The following TIPIN variants were observed in gnomAD, a reference collection of about 807,000 sequenced individuals.
The protein encoded by TIPIN is TIMELESS-interacting protein.
A neutral mutation model predicts 35.6 loss-of-function variants in TIPIN; 29 were observed. The ratio of observed to expected loss-of-function variants is 0.82; its 90% CI spans 0.61 to 1.11. The LOEUF is 1.11. Among genes scored for constraint, TIPIN ranks in the 50% most tolerant of loss-of-function variants. The probability of loss-of-function intolerance (pLI) is 0.00; values close to 1 mark genes in which losing one functional copy is unlikely to be tolerated. For synonymous variants in TIPIN, 102 were observed against 121.5 expected (o/e 0.84, Z 1.06); for missense variants, 296 against 345.4 (o/e 0.86, Z 1.13).
intron 7 of TIPIN, among the ~76,000 whole-genome samples, chr15:66,337,692 T>A (rs1178269727): frequency 1.3e-5 from 2 of 150,368 alleles, no homozygotes. Context: ...CCCAACAATG[T>A]GGGAGGATCA....
chr15:66,373,854 C>T (rs571981440), intron 1 of TIPIN, among the ~76,000 whole-genome samples: 1 of 151,824 alleles, frequency 6.6e-6, no homozygotes, highest in Non-Finnish European at 1.5e-5. Context: ...AGGCATGTAC[C>T]ATTACACCTG....
chr15:66,353,413 C>T (rs1401805277), intron 1 of TIPIN, among the ~76,000 whole-genome samples: 1 of 151,828 alleles, frequency 6.6e-6, no homozygotes, highest in Non-Finnish European at 1.5e-5. Context: ...GTCAGGAGAT[C>T]GAGACCATCC....
rs527905534 is a variant in TIPIN at position 66,371,733 on chromosome 15, G to A, written c.-9+14874C>T. On this transcript the variant is annotated intron_variant, in intron 1 of 7. Coordinates refer to the TIPIN transcript ENST00000562124. ...GGGGTTTCACCGTGTTGGCCAGAATGGTCTCGATCTCCTGACTTCGTGATC... is the reference window on the plus strand; with the variant it reads ...GGGGTTTCACCGTGTTGGCCAGAATAGTCTCGATCTCCTGACTTCGTGATC... Among the ~76,000 whole-genome samples, 449 of 151,892 alleles carry A rather than the reference G, an allele frequency of 3.0e-3. 1 individual carries two copies. The highest frequency in any genetic ancestry group is 0.01 in the African/African-American group (418 of 41,424).
intron 7 of TIPIN, among the ~76,000 whole-genome samples, chr15:66,338,592 A>G (rs2093061386): frequency 6.6e-6 from 1 of 152,010 alleles, no homozygotes; most frequent in Admixed American, 6.6e-5. Flanking sequence ...AGGTGGGTGG[A>G]TCACGAGGTT....
intron 1 of TIPIN, among the ~76,000 whole-genome samples, chr15:66,376,106 A>G (rs2093295833): frequency 6.6e-6 from 1 of 151,932 alleles, no homozygotes; most frequent in South Asian, 2.1e-4. Flanking sequence ...CAAAACCAAA[A>G]CCCACAAAAC....
intron 1 of TIPIN, among the ~76,000 whole-genome samples, chr15:66,384,622 A>G (rs753346953): frequency 4.6e-5 from 7 of 151,788 alleles, no homozygotes; most frequent in South Asian, 2.1e-4. Flanking sequence ...TTAAAAAACT[A>G]TGAGTTCAGG....
At chr15:66,374,279 G>A (rs1200674183) in intron 1 of TIPIN, among the ~76,000 whole-genome samples, 2 of 146,100 alleles carry the variant, frequency 1.4e-5, no homozygotes, top group South Asian at 4.2e-4. Context: ...AGTAGCATTA[G>A]GTACTTACAC....
Position 66,350,628 on chromosome 15 carries a change from T to TCAA in TIPIN, c.288+896_288+897insTTG, listed in dbSNP as rs1252294603. 8.5e-5 allele frequency among the ~76,000 whole-genome samples: 12 copies of TCAA among 141,290 alleles called. No individual in the cohort carries two copies. In the South Asian group the frequency reaches 2.7e-3, roughly 32 times the overall value. 92.7% of individuals were successfully genotyped at this position (141,290 alleles called of 152,430 possible). A position where few individuals can be genotyped will look rare whatever the true frequency, so the allele number is the denominator to read the frequency against. On this transcript the variant is annotated intron_variant, in intron 4 of 7. Coordinates refer to ENST00000261881, the MANE Select transcript of TIPIN (RefSeq NM_017858.3). ...CTCAAAAAAACAAAAAAAAAAACAC[T>TCAA]TAATAAAGTTAAAAGATAGTAGGCC...
chr15:66,381,980 G>A (rs962276828), intron 1 of TIPIN, among the ~76,000 whole-genome samples: 2 of 152,074 alleles, frequency 1.3e-5, no homozygotes, highest in Non-Finnish European at 2.9e-5. Context: ...CAGGAGAACC[G>A]CTTGAACCTG....
Position 66,349,393 on chromosome 15 carries a change from T to C in TIPIN, c.333A>G (p.Ala111=), listed in dbSNP as rs763508509. The change falls in exon 5 of 8, where the codon GCA becomes GCG. Residue 111 remains alanine, a synonymous_variant. Coordinates refer to ENST00000261881, the MANE Select transcript of TIPIN (RefSeq NM_017858.3). ...KMLIRHMEHW[A]HRLFPKLQFE... ...ACTGCAGTTTAGGGAATAGCCTATG[T>C]GCCCAGTGCTCCATGTGTCTGATTA... 6.2e-7 allele frequency: 1 copy of C among 1,613,878 alleles called. No homozygotes were observed. The highest frequency in any genetic ancestry group is 1.7e-5 in the Admixed American group (1 of 60,008).
intron 1 of TIPIN, among the ~76,000 whole-genome samples, chr15:66,383,173 A>G (rs1297026065): frequency 6.6e-6 from 1 of 152,214 alleles, no homozygotes; most frequent in Non-Finnish European, 1.5e-5. Flanking sequence ...AATTGCTCAA[A>G]GTCCTAATAG....
chr15:66,374,663 T>C (rs2140494209), intron 1 of TIPIN, among the ~76,000 whole-genome samples: 1 of 152,232 alleles, frequency 6.6e-6, no homozygotes, highest in Admixed American at 6.5e-5. Context: ...CACCGCAACC[T>C]CTACCTCCCA....
chr15:66,385,246 C>T (rs1257699071), intron 1 of TIPIN, among the ~76,000 whole-genome samples: 1 of 152,220 alleles, frequency 6.6e-6, no homozygotes, highest in African/African-American at 2.4e-5. Flanking sequence ...TCAGGTTCCT[C>T]AGCCTCCTTA....
chr15:66,350,354 C>A (rs1249435452), intron 4 of TIPIN, among the ~76,000 whole-genome samples: 1 of 152,050 alleles, frequency 6.6e-6, no homozygotes, highest in African/African-American at 2.4e-5. Flanking sequence ...GCCTGTAATC[C>A]CAGCACTGTG....
chr15:66,340,455 G>A lies in TIPIN; in HGVS notation c.682+695C>T, dbSNP rs560227440. Among the ~76,000 whole-genome samples the A allele has an allele frequency of 7.2e-5, 11 of 152,024 alleles. No homozygotes were observed. In the South Asian group the frequency reaches 2.3e-3, roughly 32 times the overall value. On this transcript the variant is annotated intron_variant, in intron 7 of 7. Transcript: ENST00000261881. The stretch of plus-strand genomic sequence containing the variant: ...GCCTCCTAAAGTGCTGGGATTACAG[G>A]CATGAGCCACTGCACCTGGCCTATT...
At chr15:66,365,171 C>T (rs1041166721) in intron 1 of TIPIN, among the ~76,000 whole-genome samples, 4 of 151,932 alleles carry the variant, frequency 2.6e-5, no homozygotes, top group Non-Finnish European at 4.4e-5. Flanking sequence ...AGACAGGTCA[C>T]AAAGACCTGC....
intron 1 of TIPIN, among the ~76,000 whole-genome samples, chr15:66,375,659 T>C (rs1360100257): frequency 6.6e-6 from 1 of 150,454 alleles, no homozygotes; most frequent in East Asian, 2.0e-4. Context: ...GCCAAAATGG[T>C]GAAACCCCGT....
chr15:66,338,236 T>C (rs1049262615), intron 7 of TIPIN, among the ~76,000 whole-genome samples: 1 of 151,598 alleles, frequency 6.6e-6, no homozygotes, highest in African/African-American at 2.4e-5. Flanking sequence ...GCCTGGGCAA[T>C]ACAGTGAGGC....
intron 1 of TIPIN, among the ~76,000 whole-genome samples, chr15:66,353,265 G>A (rs2093180535): frequency 1.3e-5 from 2 of 151,864 alleles, no homozygotes; most frequent in Non-Finnish European, 2.9e-5. Context: ...GATCCAATAG[G>A]GTATGAAATA....
Sources: gnomAD v4.1 joint callset for allele counts (sites outside exome capture counted in the v4.1 genomes callset) on GRCh38, gnomAD v4.1.1 for gene constraint, MANE v1.5 for transcripts, NCBI Gene and HGNC (gene_info 2026-07-23, HGNC 2026-07-21) for gene names.